The following ACCSL variants were observed in gnomAD, a reference collection of about 807,000 sequenced individuals.
ACCSL encodes probable inactive 1-aminocyclopropane-1-carboxylate synthase-like protein 2.
Under a neutral mutation model 61.7 loss-of-function variants are expected in ACCSL, and 55 were observed. The ratio of observed to expected loss-of-function variants is 0.89; its 90% CI spans 0.72 to 1.12. The LOEUF (loss-of-function observed/expected upper bound fraction) is 1.12. Ranked by LOEUF, ACCSL falls within the 50% of genes most tolerant of loss-of-function variation. The pLI is 0.00. For synonymous variants in ACCSL, 258 were observed against 264.3 expected (o/e 0.98, Z 0.23); for missense variants, 632 against 698.0 (o/e 0.91, Z 1.07).
upstream of ACCSL, among the ~76,000 whole-genome samples, chr11:44,043,510 T>C (rs1952585260): frequency 6.6e-6 from 1 of 152,248 alleles, no homozygotes; most frequent in Non-Finnish European, 1.5e-5. Context: ...TGAGATGTTA[T>C]CTTTGTCTTG....
chr11:43,957,837 C>T, the ACCSL span, among the ~76,000 whole-genome samples: 3 of 152,118 alleles, frequency 2.0e-5, no homozygotes, highest in African/African-American at 4.8e-5. Context: ...CATGTGTGAC[C>T]GCCCCCCCAA....
At chr11:44,000,801 G>A in the ACCSL span, among the ~76,000 whole-genome samples, 1 of 152,016 alleles carries the variant, frequency 6.6e-6, no homozygotes, top group Admixed American at 6.6e-5. Flanking sequence ...TGTGCATAGT[G>A]TATATACAAA....
the ACCSL span, among the ~76,000 whole-genome samples, chr11:44,037,820 A>C: frequency 6.6e-5 from 10 of 152,202 alleles, no homozygotes; most frequent in Non-Finnish European, 1.3e-4. Context: ...TGTACAGACC[A>C]GAAGGGGGCC....
chr11:43,982,075 G>A, the ACCSL span, among the ~76,000 whole-genome samples: 5 of 152,024 alleles, frequency 3.3e-5, no homozygotes, highest in South Asian at 2.1e-4. Flanking sequence ...GTGGGTTCTC[G>A]GGTGACAGAG....
Position 44,048,443 on chromosome 11 carries a change from C to G in ACCSL, c.407C>G (p.Ser136Cys). The change falls in exon 1 of 14, where the codon TCC becomes TGC. Residue 136 changes from serine (S) to cysteine (C), a missense_variant. Ser to Cys is a moderately radical substitution (Grantham distance 112, BLOSUM62 -1). Transcript: ENST00000378832. ...CEAAFVNRDL[S>C]IRGIDISVFY... ...GCTGCCTTTGTCAACCGCGACCTAT[C>G]CATCCGTGGGATTGACATCTCTGTC... The G allele has an allele frequency of 6.2e-7, 1 of 1,613,978 alleles. No individual in the cohort carries two copies.
the ACCSL span, among the ~76,000 whole-genome samples, chr11:43,942,075 TGC>T: frequency 6.5e-5 from 9 of 138,928 alleles, no homozygotes; most frequent in South Asian, 2.3e-4. Flanking sequence ...TGTGTGTGTG[TGC>T]GCGCGCGCGC....
chr11:43,987,480 C>T, the ACCSL span, among the ~76,000 whole-genome samples: 3 of 152,110 alleles, frequency 2.0e-5, no homozygotes, highest in African/African-American at 4.8e-5. Context: ...AAGCCCCAGT[C>T]GCTGCTTCTA....
At chr11:43,939,971 G>A in the ACCSL span, among the ~76,000 whole-genome samples, 2 of 152,008 alleles carry the variant, frequency 1.3e-5, no homozygotes, top group South Asian at 2.1e-4. Context: ...AGTTCTCTCA[G>A]TTCTGTCTTC....
intron 11 of ACCSL, 107 bp from the exon 12 acceptor site, chr11:44,058,210 C>G: frequency 7.6e-7 from 1 of 1,324,458 alleles, no homozygotes; most frequent in Non-Finnish European, 1.0e-6. Context: ...AAAACAAAAA[C>G]AAACAAACAA....
At chr11:43,945,897 G>A in the ACCSL span, among the ~76,000 whole-genome samples, 2 of 152,096 alleles carry the variant, frequency 1.3e-5, no homozygotes, top group Non-Finnish European at 1.5e-5. Flanking sequence ...GCTGCCTTCA[G>A]CCCCTACCTG....
At chr11:43,948,716 C>T in the ACCSL span, among the ~76,000 whole-genome samples, 2 of 152,144 alleles carry the variant, frequency 1.3e-5, no homozygotes. Flanking sequence ...TCAAGCAACC[C>T]TCCCACCTCA....
At chr11:43,963,600 A>C in the ACCSL span, among the ~76,000 whole-genome samples, 1 of 152,218 alleles carries the variant, frequency 6.6e-6, no homozygotes, top group Admixed American at 6.5e-5. Flanking sequence ...CAAGAGAGAA[A>C]GATAGAGTTG....
At chr11:44,014,483 C>CAG in the ACCSL span, among the ~76,000 whole-genome samples, 1,987 of 128,944 alleles carry the variant, frequency 0.015, 30 homozygotes, top group Middle Eastern at 0.031. Context: ...GAGAGATAGC[C>CAG]AGAGAGAGAG....
the ACCSL span, among the ~76,000 whole-genome samples, chr11:43,956,522 T>C: frequency 6.6e-6 from 1 of 151,996 alleles, no homozygotes; most frequent in East Asian, 1.9e-4. Context: ...TGGGTTCAAG[T>C]GATTCTCCTG....
chr11:44,054,447 C>CTTTTTTTTTTTTTTT (rs67313576), intron 8 of ACCSL, among the ~76,000 whole-genome samples: 1 of 138,420 alleles, frequency 7.2e-6, no homozygotes. Context: ...TTCTTTCTTT[C>CTTTTTTTTTTTTTTT]TTTTTTTTTT....
intron 8 of ACCSL, among the ~76,000 whole-genome samples, chr11:44,053,897 C>G (rs1952655234): frequency 6.6e-6 from 1 of 152,134 alleles, no homozygotes; most frequent in African/African-American, 2.4e-5. Context: ...TCACTATACA[C>G]CATACTTTGC....
the ACCSL span, among the ~76,000 whole-genome samples, chr11:43,939,515 G>GC: frequency 2.9e-3 from 436 of 151,968 alleles, 3 homozygotes; most frequent in African/African-American, 9.8e-3. Flanking sequence ...CTCCACAACG[G>GC]CCCCCCCTCC....
chr11:44,011,300 TC>T, the ACCSL span, among the ~76,000 whole-genome samples: 2 of 152,116 alleles, frequency 1.3e-5, no homozygotes, highest in African/African-American at 4.8e-5. Context: ...CCAGTACTTC[TC>T]CCCAGCACTC....
chr11:43,929,711 AT>A, the ACCSL span, among the ~76,000 whole-genome samples: 1 of 152,104 alleles, frequency 6.6e-6, no homozygotes, highest in Admixed American at 6.5e-5. Flanking sequence ...CCGACCGCTA[AT>A]TTTTAAATTT....
Sources: allele counts gnomAD v4.1 joint callset (sites outside exome capture counted in the v4.1 genomes callset), GRCh38; gene constraint gnomAD v4.1.1; transcripts MANE v1.5; gene names NCBI Gene and HGNC (gene_info 2026-07-23, HGNC 2026-07-21).